TSPAN1: variants seen among roughly 807,000 people sequenced by gnomAD.
TSPAN1 encodes the protein tetraspanin-1.
In TSPAN1, 23 loss-of-function variants were observed where a neutral mutation model predicts 26.9. The ratio of observed to expected loss-of-function variants is 0.85; its 90% CI spans 0.62 to 1.21. TSPAN1 has a LOEUF of 1.21. Ranked by LOEUF, TSPAN1 falls within the 50% of genes most tolerant of loss-of-function variation. The pLI, the probability that TSPAN1 is intolerant of heterozygous loss-of-function variation, is 0.00. For missense variants in TSPAN1, 283 were observed against 298.4 expected (o/e 0.95, Z 0.38); for synonymous variants, 115 against 114.8 (o/e 1.00, Z -0.01).
the TSPAN1 span, chr1:46,193,118 C>A: frequency 6.2e-7 from 1 of 1,612,284 alleles, no homozygotes; most frequent in African/African-American, 1.3e-5. Context: ...CAGGCCCAGA[C>A]CTTATGCCCA....
Position 46,181,148 on chromosome 1 carries a change from T to C in TSPAN1, c.41T>C (p.Phe14Ser). 1.9e-6 allele frequency: 3 copies of C among 1,613,730 alleles called. No individual in the cohort carries two copies. The highest frequency in any genetic ancestry group is 1.7e-6 in the Non-Finnish European group (2 of 1,179,814). Residue 14 changes from phenylalanine (F) to serine (S), a missense_variant, in exon 3 of 9, where the codon TTC becomes TCC. Coordinates refer to ENST00000372003, the MANE Select transcript of TSPAN1 (RefSeq NM_005727.4). ...TTCATTAAGACCATGATGATCCTCTTCAATTTGCTCATCTTTGTAAGTACG... is the reference window on the plus strand; with the variant it reads ...TTCATTAAGACCATGATGATCCTCTCCAATTTGCTCATCTTTGTAAGTACG... ...FSFIKTMMIL[F>S]NLLIFLCGAA...
chr1:46,184,517 T>C, intron 4 of TSPAN1, 77 bp from the exon 5 acceptor site: 2 of 1,593,560 alleles, frequency 1.3e-6, no homozygotes, highest in Non-Finnish European at 1.7e-6. Flanking sequence ...GTCTCACTTT[T>C]CCGGGGGGGG....
chr1:46,184,712 C>G, intron 5 of TSPAN1, 44 bp downstream of exon 5: 2 of 1,613,772 alleles, frequency 1.2e-6, no homozygotes, highest in Middle Eastern at 1.7e-4. Flanking sequence ...TGGGCAAAAC[C>G]CTGGGAGTGG....
Position 46,185,286 on chromosome 1 carries a change from C to T in TSPAN1, c.656C>T (p.Ala219Val). 1 of 1,614,132 alleles carries T rather than the reference C, an allele frequency of 6.2e-7. No homozygotes were observed. The highest frequency in any genetic ancestry group is 8.5e-7 in the Non-Finnish European group (1 of 1,180,028). Reference sequence around the variant, plus strand: ...AATGCAGTCACCGTGGGTGGTGTGGCAGCTGGAATTGGGGGCCTCGAGGTA... The same window carrying T: ...AATGCAGTCACCGTGGGTGGTGTGGTAGCTGGAATTGGGGGCCTCGAGGTA... ...RTNAVTVGGV[A>V]AGIGGLELAA... Residue 219 changes from alanine to valine, a missense_variant, in exon 8 of 9, where the codon GCA (alanine) becomes GTA (valine). Transcript: ENST00000372003.
the TSPAN1 span, chr1:46,196,012 C>T: frequency 6.4e-5 from 103 of 1,614,026 alleles, 1 homozygote; most frequent in East Asian, 2.0e-3. This position sits in a 1 kb window ranked among gnomAD's most constrained non-coding sequence, Gnocchi z 4.4. Context: ...AGAAACTCAC[C>T]GTGGCCTGGT....
the TSPAN1 span, chr1:46,195,912 C>T: frequency 1.2e-6 from 2 of 1,613,940 alleles, no homozygotes; most frequent in Non-Finnish European, 1.7e-6. Flanking sequence ...ACACGTTTTG[C>T]CATCACGTGG....
At chr1:46,175,894 A>G in intron 1 of TSPAN1, 1 of 353,004 alleles carries the variant, frequency 2.8e-6, no homozygotes, top group Non-Finnish European at 5.0e-6. Context: ...TTTTCTTGAG[A>G]CAGAGTCTAG....
the TSPAN1 span, chr1:46,195,821 C>T: frequency 1.3e-6 from 2 of 1,594,742 alleles, no homozygotes; most frequent in Admixed American, 3.5e-5. Context: ...CTTGACAGTG[C>T]AGATGAGCAC....
At chr1:46,189,205 G>A, downstream of TSPAN1, 1 of 1,562,954 alleles carries the variant, frequency 6.4e-7, no homozygotes, top group Non-Finnish European at 8.6e-7. Flanking sequence ...CCTACAGGAT[G>A]GAGGGAAGGG....
At chr1:46,186,758 G>A (rs1247861340), downstream of TSPAN1, among the ~76,000 whole-genome samples, 1 of 151,444 alleles carries the variant, frequency 6.6e-6, no homozygotes, top group Non-Finnish European at 1.5e-5. Context: ...GCCCCCTGGG[G>A]TTCACGCCAT....
At chr1:46,188,340 C>T (rs1657487262), downstream of TSPAN1, among the ~76,000 whole-genome samples, 3 of 152,180 alleles carry the variant, frequency 2.0e-5, no homozygotes, top group Admixed American at 2.0e-4. Flanking sequence ...CTTCCAACTC[C>T]CCAGTATCCC....
chr1:46,190,736 G>C (rs1350938422), downstream of TSPAN1: 1 of 1,613,602 alleles, frequency 6.2e-7, no homozygotes, highest in Non-Finnish European at 8.5e-7. Flanking sequence ...ACATTCCTGA[G>C]CTGGACACCT....
chr1:46,192,035 A>C, the TSPAN1 span: 1 of 1,544,864 alleles, frequency 6.5e-7, no homozygotes, highest in Non-Finnish European at 8.9e-7. Flanking sequence ...ATTGCTTCAG[A>C]GTCCATGTTC....
At chr1:46,183,968 C>G (rs1657367725) in intron 3 of TSPAN1, 3 of 589,118 alleles carry the variant, frequency 5.1e-6, no homozygotes, top group African/African-American at 1.9e-5. Context: ...AACCCCTGAT[C>G]TCCTTTATAT....
At chr1:46,177,274 G>A (rs1657195754) in intron 1 of TSPAN1, among the ~76,000 whole-genome samples, 1 of 151,906 alleles carries the variant, frequency 6.6e-6, no homozygotes, top group South Asian at 2.1e-4. Flanking sequence ...GGTGGAGATT[G>A]CAGTGAGCCC....
chr1:46,192,438 T>C, the TSPAN1 span: 1 of 1,614,026 alleles, frequency 6.2e-7, no homozygotes, highest in Non-Finnish European at 8.5e-7. Flanking sequence ...TTCATACCCC[T>C]GGGGACAGGG....
chr1:46,183,587 T>A, intron 3 of TSPAN1: 1 of 166,954 alleles, frequency 6.0e-6, no homozygotes, highest in Non-Finnish European at 1.3e-5. Flanking sequence ...GTATTCCCAC[T>A]GGTACCTCAC....
the TSPAN1 span, chr1:46,195,753 G>T: frequency 1.4e-6 from 2 of 1,466,496 alleles, no homozygotes; most frequent in Non-Finnish European, 1.9e-6. Context: ...AGAAGCCGGG[G>T]CTAGAAGCAG....
the TSPAN1 span, chr1:46,194,614 G>A: frequency 1.2e-6 from 2 of 1,614,220 alleles, no homozygotes; most frequent in Non-Finnish European, 1.7e-6. Flanking sequence ...AGGAAGAGAG[G>A]GCAGGTGATT....
Sources: allele counts gnomAD v4.1 joint callset (sites outside exome capture counted in the v4.1 genomes callset), GRCh38; gene constraint gnomAD v4.1.1; non-coding constraint Gnocchi (gnomAD v3.1); transcripts MANE v1.5; gene names NCBI Gene and HGNC (gene_info 2026-07-23, HGNC 2026-07-21).